The following GSDME variants were observed in gnomAD, a reference collection of about 807,000 sequenced individuals.
The protein encoded by GSDME is gasdermin-E.
GSDME carries 44 observed loss-of-function variants against 47.5 expected under a neutral mutation model. The observed-to-expected ratio is 0.93, with a 90% CI of 0.73 to 1.19. The LOEUF (loss-of-function observed/expected upper bound fraction) is 1.19, where lower values mean the gene tolerates loss of function less well. Ranked by LOEUF, GSDME falls within the 50% of genes most tolerant of loss-of-function variation. The pLI is 0.00. For missense variants in GSDME, 663 were observed against 604.2 expected (o/e 1.10, Z -1.02); for synonymous variants, 258 against 252.8 (o/e 1.02, Z -0.20).
At chr7:24,778,081 G>A in the GSDME span, among the ~76,000 whole-genome samples, 1 of 145,488 alleles carries the variant, frequency 6.9e-6, no homozygotes, top group South Asian at 2.2e-4. The surrounding 1 kb of genome is among the most constrained non-coding windows in gnomAD (Gnocchi z 5.6). Context: ...AAAATGGTGG[G>A]GGAGGGAGAG....
intron 9 of GSDME, among the ~76,000 whole-genome samples, chr7:24,700,751 T>C (rs1387934422): frequency 6.6e-6 from 1 of 152,092 alleles, no homozygotes; most frequent in East Asian, 1.9e-4. Context: ...CTTTAGAGAG[T>C]AGATTAGACC....
chr7:24,700,763 G>A (rs1462478745), intron 9 of GSDME, among the ~76,000 whole-genome samples: 1 of 152,196 alleles, frequency 6.6e-6, no homozygotes, highest in Non-Finnish European at 1.5e-5. Flanking sequence ...GATTAGACCT[G>A]CTCTTTAAGC....
rs1202729838 is a variant in GSDME, at chr7:24,708,175, GAAGATGTCACTC to G, written c.930_941del (p.Leu310_Ile313del). On this transcript the variant is annotated inframe_deletion, in exon 7 of 10. Transcript: ENST00000645220. ...GTTCATCATCAAATAGGACCGCCTG[GAAGATGTCACTC>G]AAAGCTGTCTGTTGTGGCTCAGGCA... 1 of 1,614,178 alleles carries G rather than the reference GAAGATGTCACTC, an allele frequency of 6.2e-7. No individual in the cohort carries two copies.
upstream of GSDME, among the ~76,000 whole-genome samples, chr7:24,759,092 T>C (rs2128070128): frequency 6.6e-6 from 1 of 152,344 alleles, no homozygotes; most frequent in African/African-American, 2.4e-5. Flanking sequence ...GGTAGGCCCC[T>C]GATTTGCTAA....
rs1213817964 is a variant in GSDME, at chr7:24,754,119, T to G, written c.-20+3277A>C. Among the ~76,000 whole-genome samples the G allele has an allele frequency of 6.6e-6, 1 of 152,192 alleles. No homozygotes were observed. Among genetic ancestry groups the G allele is most frequent in the Non-Finnish European group, 1.5e-5 (1 of 68,030 alleles). On this transcript the variant is annotated intron_variant, in intron 1 of 9. Transcript: ENST00000645220. The surrounding 1 kb of genome is among the most constrained non-coding windows in gnomAD (Gnocchi z 5.0). ...GGCCTCAGGAGGCATCATGCTCAAA[T>G]AGCTCATGGCCTAAAAACTCACTGC... is the stretch of plus-strand genomic sequence containing the variant.
chr7:24,774,809 G>A, the GSDME span, among the ~76,000 whole-genome samples: 1 of 152,174 alleles, frequency 6.6e-6, no homozygotes, highest in African/African-American at 2.4e-5. Context: ...GGGATTACAG[G>A]TGTGAGCCAC....
In GSDME at chr7:24,748,173, T is replaced by C. The variant is rs113817943; in HGVS notation, c.211+1391A>G. 9.4e-5 allele frequency among the ~76,000 whole-genome samples: 14 copies of C among 148,674 alleles called. 1 individual carries two copies. The highest frequency in any genetic ancestry group is 3.2e-4 in the African/African-American group (13 of 40,774). On this transcript the variant is annotated intron_variant, in intron 2 of 9. Coordinates refer to ENST00000645220, the MANE Select transcript of GSDME (RefSeq NM_001127453.2). ...ATATATATATATATATATATATTTT[T>C]TTTTGAGATGGAATCTCACTCTATC...
chr7:24,710,784 A>G (rs1053428409), intron 5 of GSDME, among the ~76,000 whole-genome samples: 8 of 152,230 alleles, frequency 5.3e-5, no homozygotes, highest in Non-Finnish European at 1.0e-4. Context: ...TATTGCCAGT[A>G]TATTTAGGTG....
intron 3 of GSDME, among the ~76,000 whole-genome samples, chr7:24,720,031 G>A (rs1789716733): frequency 6.6e-6 from 1 of 152,126 alleles, no homozygotes; most frequent in Non-Finnish European, 1.5e-5. Flanking sequence ...GAACTAAGAG[G>A]AAACTTCTTA....
chr7:24,753,580 T>C (rs1282909936), intron 1 of GSDME, among the ~76,000 whole-genome samples: 5 of 152,068 alleles, frequency 3.3e-5, no homozygotes, highest in African/African-American at 4.8e-5. Context: ...ATTGTAGGAG[T>C]TGTGCTATTC....
rs1168600257 is a variant in GSDME, at chr7:24,719,084, C to T, written c.539G>A (p.Cys180Tyr). Residue 180 changes from cysteine to tyrosine, a missense_variant, in exon 4 of 10, where the codon TGT becomes TAT. Cys to Tyr is a radical substitution (Grantham distance 194). Transcript: ENST00000645220. ...GGTCTGGATGCCCACGATGCCACCA[C>T]ACTTCTCCTCGACCTGCATGTGCTC... ...ISEHMQVEEK[C>Y]GGIVGIQTKT... 6.2e-7 allele frequency: 1 copy of T among 1,613,484 alleles called. No individual in the cohort carries two copies. Among genetic ancestry groups the T allele is most frequent in the Admixed American group, 1.7e-5 (1 of 60,032 alleles).
At chr7:24,711,164 T>C (rs1166291286) in intron 5 of GSDME, among the ~76,000 whole-genome samples, 8 of 152,230 alleles carry the variant, frequency 5.3e-5, no homozygotes, top group Admixed American at 5.2e-4. Flanking sequence ...GGGAGCTCAC[T>C]ACATTATTAT....
chr7:24,706,018 G>A, intron 8 of GSDME, 166 bp downstream of exon 8: 2 of 840,308 alleles, frequency 2.4e-6, no homozygotes, highest in Non-Finnish European at 3.8e-6. Context: ...CCGAAGGGGG[G>A]TTTCCCATCA....
chr7:24,783,776 G>A, the GSDME span, among the ~76,000 whole-genome samples: 1 of 152,058 alleles, frequency 6.6e-6, no homozygotes, highest in Non-Finnish European at 1.5e-5. Flanking sequence ...CATGAACATG[G>A]GGATTAGGGA....
rs373222251 is a variant in GSDME at position 24,726,336 on chromosome 7, C to T, written c.405-7118G>A. ...CTTTACCAAAGCATAAAGGAGGTCCCGGGGATGCCTCCTGCAGAGACACAG... is the reference window on the plus strand; with the variant it reads ...CTTTACCAAAGCATAAAGGAGGTCCTGGGGATGCCTCCTGCAGAGACACAG... On this transcript the variant is annotated intron_variant, in intron 3 of 9. Transcript: ENST00000645220. The surrounding 1 kb of genome is among the most constrained non-coding windows in gnomAD (Gnocchi z 5.6). Among the ~76,000 whole-genome samples the T allele has an allele frequency of 1.3e-5, 2 of 152,210 alleles. No individual in the cohort carries two copies. The highest frequency in any genetic ancestry group is 3.9e-4 in the East Asian group (2 of 5,188).
intron 3 of GSDME, 93 bp from the exon 4 acceptor site, chr7:24,719,311 G>A: frequency 2.2e-6 from 3 of 1,348,814 alleles, no homozygotes; most frequent in Non-Finnish European, 3.1e-6. Flanking sequence ...GCTGAGGAGT[G>A]AGCAGGTGAC....
the GSDME span, among the ~76,000 whole-genome samples, chr7:24,770,703 T>G: frequency 6.6e-6 from 1 of 151,822 alleles, no homozygotes; most frequent in Admixed American, 6.6e-5. The surrounding 1 kb of genome is among the most constrained non-coding windows in gnomAD (Gnocchi z 4.6). Flanking sequence ...AGATGAGAAT[T>G]CTATGAAAGA....
At position 24,726,901 on chromosome 7, in the gene GSDME, T is replaced by C. The variant is rs150800413; in HGVS notation, c.405-7683A>G. On this transcript the variant is annotated intron_variant, in intron 3 of 9. Coordinates refer to ENST00000645220, the MANE Select transcript of GSDME (RefSeq NM_001127453.2). The surrounding 1 kb of genome is among the most constrained non-coding windows in gnomAD (Gnocchi z 5.6). Reference sequence around the variant, plus strand: ...GCTCTCCAAACCCCAGGGGACATCATGACAGAGCAGGAGCTTTTGTTGAGT... The same window carrying C: ...GCTCTCCAAACCCCAGGGGACATCACGACAGAGCAGGAGCTTTTGTTGAGT... 3.1e-4 allele frequency among the ~76,000 whole-genome samples: 47 copies of C among 151,904 alleles called. No individual in the cohort carries two copies. In the East Asian group the frequency reaches 7.8e-3, roughly 25 times the overall value.
intron 7 of GSDME, among the ~76,000 whole-genome samples, chr7:24,706,995 T>A (rs537848359): frequency 1.3e-5 from 2 of 152,348 alleles, no homozygotes; most frequent in African/African-American, 4.8e-5. Flanking sequence ...GGCCTGACAT[T>A]TTCCTCTTGG....
Sources: gnomAD v4.1 joint callset for allele counts (sites outside exome capture counted in the v4.1 genomes callset) on GRCh38, gnomAD v4.1.1 for gene constraint, Gnocchi (gnomAD v3.1) non-coding constraint, MANE v1.5 for transcripts, NCBI Gene and HGNC (gene_info 2026-07-23, HGNC 2026-07-21) for gene names.